INSL6: variants seen among roughly 807,000 people sequenced by gnomAD.
The protein encoded by INSL6 is insulin-like peptide INSL6.
Under a neutral mutation model 9.4 loss-of-function variants are expected in INSL6, and 16 were observed. The ratio of observed to expected loss-of-function variants is 1.70; its 90% CI spans 1.15 to 2.59. The LOEUF is 2.59. INSL6 is among the 30% of genes most tolerant of loss of function. The probability of loss-of-function intolerance (pLI) is 0.00; values close to 1 mark genes in which losing one functional copy is unlikely to be tolerated. For missense variants in INSL6, 391 were observed against 257.3 expected (o/e 1.52, Z -3.56); for synonymous variants, 154 against 96.9 (o/e 1.59, Z -3.46).
the INSL6 span, among the ~76,000 whole-genome samples, chr9:5,076,488 T>A: frequency 1.3e-5 from 2 of 152,184 alleles, no homozygotes; most frequent in African/African-American, 2.4e-5. Flanking sequence ...CATTAGCACC[T>A]TTTTTGGCAA....
the INSL6 span, chr9:5,094,252 C>G: frequency 1.3e-5 from 2 of 152,190 alleles, no homozygotes; most frequent in African/African-American, 2.4e-5. Context: ...ACCAGAGAAC[C>G]CTTACGACCC....
At chr9:5,164,293 C>A (rs369078311) in intron 1 of INSL6, 28 bp from the exon 2 acceptor site, 2 of 1,418,028 alleles carry the variant, frequency 1.4e-6, no homozygotes, top group South Asian at 2.5e-5. Context: ...AATAAATGCT[C>A]CTTTATTAAA....
downstream of INSL6, chr9:5,123,204 C>G (rs1274030970): frequency 1.2e-6 from 1 of 861,538 alleles, no homozygotes; most frequent in African/African-American, 1.7e-5. Context: ...TACAATTTTG[C>G]TACATGCATA....
the INSL6 span, chr9:5,114,233 C>T: frequency 1.9e-6 from 1 of 525,082 alleles, no homozygotes; most frequent in South Asian, 1.7e-5. Context: ...TGTTCATCCG[C>T]AAGTTGCCCA....
chr9:5,009,284 G>T, the INSL6 span, among the ~76,000 whole-genome samples: 2 of 152,038 alleles, frequency 1.3e-5, no homozygotes, highest in Non-Finnish European at 2.9e-5. Flanking sequence ...GCAAAATTAA[G>T]AAAAATACTG....
chr9:5,172,731 C>T (rs1389914883), intron 1 of INSL6, among the ~76,000 whole-genome samples: 2 of 152,120 alleles, frequency 1.3e-5, no homozygotes, highest in South Asian at 2.1e-4. Flanking sequence ...AATTCGAGAC[C>T]AGTCTGGCCA....
At chr9:5,046,014 A>T in the INSL6 span, among the ~76,000 whole-genome samples, 1 of 152,150 alleles carries the variant, frequency 6.6e-6, no homozygotes, top group East Asian at 1.9e-4. Context: ...GCAGTGCACA[A>T]GTGTTCCAAT....
At chr9:5,049,340 C>CTT in the INSL6 span, among the ~76,000 whole-genome samples, 1 of 152,276 alleles carries the variant, frequency 6.6e-6, no homozygotes, top group Middle Eastern at 3.4e-3. Flanking sequence ...AAGTTTTAAT[C>CTT]CACATTATTT....
the INSL6 span, among the ~76,000 whole-genome samples, chr9:4,998,187 C>G: frequency 6.6e-6 from 1 of 151,830 alleles, no homozygotes; most frequent in Admixed American, 6.6e-5. Flanking sequence ...TTAAAAATGT[C>G]TTGGTAATAC....
chr9:5,029,048 C>G, the INSL6 span, among the ~76,000 whole-genome samples: 1 of 152,174 alleles, frequency 6.6e-6, no homozygotes, highest in Non-Finnish European at 1.5e-5. Flanking sequence ...CTTTTAGCCT[C>G]TCTTGGCTTT....
the INSL6 span, among the ~76,000 whole-genome samples, chr9:5,087,371 C>A: frequency 6.6e-6 from 1 of 152,170 alleles, no homozygotes; most frequent in Non-Finnish European, 1.5e-5. Context: ...AAACCACCCG[C>A]ATGATTCAGT....
the INSL6 span, among the ~76,000 whole-genome samples, chr9:5,036,394 A>G: frequency 6.6e-6 from 1 of 152,190 alleles, no homozygotes; most frequent in Non-Finnish European, 1.5e-5. Context: ...TTCATATGGA[A>G]CCAAAAAAGA....
the INSL6 span, among the ~76,000 whole-genome samples, chr9:5,009,317 G>A: frequency 6.6e-6 from 1 of 152,128 alleles, no homozygotes; most frequent in Non-Finnish European, 1.5e-5. Flanking sequence ...GAATAAAGCC[G>A]TGAAGAATAT....
the INSL6 span, among the ~76,000 whole-genome samples, chr9:5,036,140 A>G: frequency 6.6e-6 from 1 of 152,206 alleles, no homozygotes; most frequent in African/African-American, 2.4e-5. Flanking sequence ...AATTGCTTCA[A>G]AGAGAATACC....
At chr9:5,037,234 T>C in the INSL6 span, among the ~76,000 whole-genome samples, 37,856 of 151,420 alleles carry the variant, frequency 0.25, 4,830 homozygotes, top group South Asian at 0.31. Context: ...TGTGGAGAAA[T>C]AGGAACATTT....
the INSL6 span, among the ~76,000 whole-genome samples, chr9:5,035,358 A>C: frequency 2.6e-5 from 4 of 152,236 alleles, no homozygotes; most frequent in Non-Finnish European, 4.4e-5. Context: ...ATAGAATAAG[A>C]GGGAATCCTC....
At chr9:5,021,714 C>T in the INSL6 span, among the ~76,000 whole-genome samples, 1 of 152,160 alleles carries the variant, frequency 6.6e-6, no homozygotes, top group African/African-American at 2.4e-5. Flanking sequence ...CAGCCTCATC[C>T]TCCCAGGTTC....
the INSL6 span, chr9:5,107,912 C>G: frequency 1.3e-5 from 2 of 152,164 alleles, no homozygotes; most frequent in Non-Finnish European, 2.9e-5. Flanking sequence ...CACACAAAAT[C>G]TAAATTTACT....
chr9:5,084,090 C>T, the INSL6 span, among the ~76,000 whole-genome samples: 2 of 151,986 alleles, frequency 1.3e-5, no homozygotes, highest in East Asian at 1.9e-4. Context: ...TCCATAGTTC[C>T]GTGAGCTTAA....
Sources: gnomAD v4.1 joint callset for allele counts (sites outside exome capture counted in the v4.1 genomes callset) on GRCh38, gnomAD v4.1.1 for gene constraint, MANE v1.5 for transcripts, NCBI Gene and HGNC (gene_info 2026-07-23, HGNC 2026-07-21) for gene names.